The following CEP135 variants were observed in gnomAD, a reference collection of about 807,000 sequenced individuals.
CEP135 encodes the protein centrosomal protein of 135 kDa.
In CEP135, 142 loss-of-function variants were observed where a neutral mutation model predicts 157.3. That is an observed-to-expected ratio of 0.90 (90% confidence interval 0.79 to 1.04). The LOEUF is 1.04. Ranked by LOEUF, CEP135 falls within the 50% of genes least tolerant of loss-of-function variation. CEP135 has a pLI of 0.00. For missense variants in CEP135, 1,317 were observed against 1,309.2 expected, an observed-to-expected ratio of 1.01 and a Z score of -0.09; for synonymous variants, 396 against 439.8, an observed-to-expected ratio of 0.90 and a Z score of 1.25.
chr4:55,991,219 G>T (rs577740791), intron 14 of CEP135, among the ~76,000 whole-genome samples: 1 of 151,812 alleles, frequency 6.6e-6, no homozygotes, highest in South Asian at 2.1e-4. Flanking sequence ...TTCATGATAT[G>T]CCCACCGTGG....
intron 21 of CEP135, among the ~76,000 whole-genome samples, chr4:56,014,268 A>T (rs537608012): frequency 6.6e-6 from 1 of 152,354 alleles, no homozygotes; most frequent in African/African-American, 2.4e-5. Context: ...TGAAAATATG[A>T]AAGTGGCTTT....
intron 24 of CEP135, among the ~76,000 whole-genome samples, chr4:56,022,805 G>A (rs1483236817): frequency 6.6e-6 from 1 of 152,094 alleles, no homozygotes; most frequent in East Asian, 1.9e-4. Flanking sequence ...TGTGCAAGAC[G>A]ATATGGTAGG....
At chr4:55,983,317 C>CTGTATTG (rs1376002332) in intron 13 of CEP135, among the ~76,000 whole-genome samples, 2 of 152,158 alleles carry the variant, frequency 1.3e-5, no homozygotes, top group African/African-American at 4.8e-5. Flanking sequence ...TTTGTATTAT[C>CTGTATTG]AGAATCCTTC....
At chr4:55,981,698 C>CTTTG (rs763872011) in intron 13 of CEP135, among the ~76,000 whole-genome samples, 13 of 152,054 alleles carry the variant, frequency 8.5e-5, no homozygotes, top group African/African-American at 1.4e-4. Flanking sequence ...AAGACAGTAT[C>CTTTG]TTTGTTTGTT....
At chr4:55,970,381 T>G (rs1260594919) in intron 9 of CEP135, among the ~76,000 whole-genome samples, 6 of 152,140 alleles carry the variant, frequency 3.9e-5, no homozygotes. Flanking sequence ...CCCAAATGAT[T>G]GAGGATTTTA....
intron 8 of CEP135, among the ~76,000 whole-genome samples, chr4:55,967,177 A>G (rs1424690106): frequency 1.3e-5 from 2 of 152,142 alleles, no homozygotes; most frequent in Admixed American, 6.5e-5. Context: ...AATTTCCTGT[A>G]ACTGTAAGGT....
chr4:55,999,894 G>A (rs1730105266), intron 17 of CEP135, among the ~76,000 whole-genome samples: 1 of 152,110 alleles, frequency 6.6e-6, no homozygotes, highest in Non-Finnish European at 1.5e-5. Context: ...TTTTTAAAAG[G>A]TTTATTTACT....
intron 13 of CEP135, among the ~76,000 whole-genome samples, chr4:55,982,340 A>G (rs75869126): frequency 0.023 from 3,548 of 152,266 alleles, 60 homozygotes; most frequent in Middle Eastern, 0.037. Flanking sequence ...TCCTGGTCAT[A>G]TGGTAAGTCT....
chr4:55,968,926 A>G lies in CEP135; in HGVS notation c.1045-137A>G, dbSNP rs557580211. 23 of 522,508 alleles carry G rather than the reference A, an allele frequency of 4.4e-5. No homozygotes were observed. The East Asian group carries it at 8.0e-4, about 18-fold the overall frequency. 32.4% of individuals were successfully genotyped at this position (522,508 alleles called of 1,614,324 possible). On this transcript the variant is annotated intron_variant, in intron 8 of 25. Coordinates refer to ENST00000257287, the MANE Select transcript of CEP135 (RefSeq NM_025009.5). Reference sequence around the variant, plus strand: ...AGCCTCAATTTTGCCTCTTCGTTGAAATTGATAGGGATAAAGCCTCAGATC... The same window carrying G: ...AGCCTCAATTTTGCCTCTTCGTTGAGATTGATAGGGATAAAGCCTCAGATC...
At chr4:55,962,131 C>G (rs4865048) in intron 6 of CEP135, among the ~76,000 whole-genome samples, 73,017 of 151,648 alleles carry the variant, frequency 0.48, 18,283 homozygotes, top group African/African-American at 0.62. Context: ...ACGGAGTCTC[C>G]CTCTGTCGCC....
intron 15 of CEP135, among the ~76,000 whole-genome samples, chr4:55,992,987 C>T (rs770877955): frequency 2.6e-5 from 4 of 152,020 alleles, no homozygotes; most frequent in Non-Finnish European, 5.9e-5. Flanking sequence ...CAGTCAGAAT[C>T]AGGAAAAGAT....
chr4:55,963,801 A>G (rs766397144), intron 6 of CEP135, among the ~76,000 whole-genome samples: 1 of 152,224 alleles, frequency 6.6e-6, no homozygotes, highest in Non-Finnish European at 1.5e-5. Flanking sequence ...AAATTCTTAC[A>G]TAAATAACAG....
At chr4:56,016,435 T>G (rs1474627205) in intron 21 of CEP135, among the ~76,000 whole-genome samples, 2 of 152,172 alleles carry the variant, frequency 1.3e-5, no homozygotes, top group African/African-American at 2.4e-5. Flanking sequence ...CAAAAGAGTT[T>G]TTCAGCAACT....
chr4:56,014,134 G>A (rs1322473200), intron 21 of CEP135, among the ~76,000 whole-genome samples: 2 of 152,218 alleles, frequency 1.3e-5, no homozygotes, highest in African/African-American at 4.8e-5. Context: ...CCAGCTTACC[G>A]AATTGTGAGA....
Position 55,992,048 on chromosome 4 carries a change from G to A in CEP135, c.1972G>A (p.Asp658Asn), listed in dbSNP as rs1046987866. Reference protein sequence around the residue: ...QAQKFSHVAGDSSHQKTEVNS... With the variant: ...QAQKFSHVAGNSSHQKTEVNS... ...TCAAAAATTTAGCCATGTGGCTGGT[G>A]ACTCATCTCATCAGAAAACAGAGGT... is the stretch of plus-strand genomic sequence containing the variant. The change falls in exon 15 of 26, where the codon GAC (aspartate) becomes AAC (asparagine). Residue 658 changes from aspartate to asparagine, a missense_variant. By Grantham distance (23) the Asp-to-Asn change is conservative (BLOSUM62 1). Transcript: ENST00000257287. The A allele has an allele frequency of 1.1e-5, 17 of 1,606,870 alleles. No homozygotes were observed. The highest frequency in any genetic ancestry group is 1.4e-5 in the Non-Finnish European group (16 of 1,177,968).
At chr4:55,994,144 A>G (rs1283259777) in intron 15 of CEP135, among the ~76,000 whole-genome samples, 1 of 152,194 alleles carries the variant, frequency 6.6e-6, no homozygotes, top group African/African-American at 2.4e-5. Context: ...TTGGGAAGTA[A>G]AACTACATTA....
At chr4:55,987,200 A>T (rs1252183509) in intron 14 of CEP135, among the ~76,000 whole-genome samples, 2 of 152,166 alleles carry the variant, frequency 1.3e-5, no homozygotes, top group Non-Finnish European at 2.9e-5. Flanking sequence ...GAGATTTTCA[A>T]ATGACTGATG....
intron 8 of CEP135, 70 bp downstream of exon 8, chr4:55,965,929 T>C (rs1334496706): frequency 7.9e-7 from 1 of 1,266,340 alleles, no homozygotes; most frequent in Non-Finnish European, 1.1e-6. Context: ...GCTTGATCCC[T>C]TTTGATATCT....
intron 4 of CEP135, among the ~76,000 whole-genome samples, chr4:55,954,640 C>A (rs1415333654): frequency 6.6e-6 from 1 of 152,106 alleles, no homozygotes; most frequent in Non-Finnish European, 1.5e-5. Flanking sequence ...TTTCTCTAAT[C>A]AATATTTTAA....
Sources: gnomAD v4.1 joint callset for allele counts (sites outside exome capture counted in the v4.1 genomes callset) on GRCh38, gnomAD v4.1.1 for gene constraint, MANE v1.5 for transcripts, NCBI Gene and HGNC (gene_info 2026-07-23, HGNC 2026-07-21) for gene names.